The following AUTS2 variants were observed in gnomAD, a reference collection of about 807,000 sequenced individuals.
The protein encoded by AUTS2 is activator of transcription and developmental regulator AUTS2.
Under a neutral mutation model 112.4 loss-of-function variants are expected in AUTS2, and 17 were observed. The observed-to-expected ratio is 0.15, with a 90% CI of 0.10 to 0.23. AUTS2 has a LOEUF of 0.23. Among genes scored for constraint, AUTS2 ranks in the 10% least tolerant of loss-of-function variants. The pLI is 1.00. For synonymous variants in AUTS2, 751 were observed against 702.7 expected (o/e 1.07, Z -1.09); for missense variants, 1,510 against 1,701.6 (o/e 0.89, Z 1.98).
chr7:70,527,910 AT>A (rs1799910652), intron 5 of AUTS2, among the ~76,000 whole-genome samples: 1 of 152,246 alleles, frequency 6.6e-6, no homozygotes, highest in African/African-American at 2.4e-5. Context: ...TTGTGTGGGC[AT>A]TGGGGCCTGG....
intron 2 of AUTS2, among the ~76,000 whole-genome samples, chr7:70,110,287 G>A (rs1804999814): frequency 6.6e-6 from 1 of 152,204 alleles, no homozygotes; most frequent in Non-Finnish European, 1.5e-5. Flanking sequence ...AGGCCGATGT[G>A]GCTGGATAAT....
chr7:70,341,067 G>C (rs1471813084), intron 4 of AUTS2, among the ~76,000 whole-genome samples: 1 of 152,134 alleles, frequency 6.6e-6, no homozygotes, highest in East Asian at 1.9e-4. Context: ...TATGTATACT[G>C]TATAATGTTT....
At chr7:69,872,131 G>T (rs1793525783) in intron 1 of AUTS2, among the ~76,000 whole-genome samples, 1 of 152,196 alleles carries the variant, frequency 6.6e-6, no homozygotes, top group African/African-American at 2.4e-5. Context: ...GAGCCCTTCT[G>T]AGTGCAGGGC....
At chr7:70,272,386 A>G (rs1428263177) in intron 4 of AUTS2, among the ~76,000 whole-genome samples, 1 of 152,196 alleles carries the variant, frequency 6.6e-6, no homozygotes, top group Non-Finnish European at 1.5e-5. Context: ...AATAATGTGG[A>G]TGAAAGCAGG....
At chr7:69,622,554 G>C (rs547915515) in intron 1 of AUTS2, among the ~76,000 whole-genome samples, 2 of 152,266 alleles carry the variant, frequency 1.3e-5, no homozygotes, top group South Asian at 4.1e-4. Context: ...ATGTAATAAT[G>C]ATAATGAAAA....
intron 4 of AUTS2, among the ~76,000 whole-genome samples, chr7:70,376,200 A>C (rs1019436862): frequency 6.6e-6 from 1 of 152,178 alleles, no homozygotes; most frequent in Admixed American, 6.5e-5. Flanking sequence ...TGGAGTTTTA[A>C]AATGTTTCCG....
At chr7:70,298,348 A>G (rs1180722761) in intron 4 of AUTS2, among the ~76,000 whole-genome samples, 10 of 152,114 alleles carry the variant, frequency 6.6e-5, no homozygotes, top group African/African-American at 2.4e-4. Flanking sequence ...CTCTTTAAAA[A>G]ACAAATTTTA....
At chr7:69,678,211 T>A (rs942186306) in intron 1 of AUTS2, among the ~76,000 whole-genome samples, 6 of 151,924 alleles carry the variant, frequency 3.9e-5, no homozygotes, top group African/African-American at 1.5e-4. Context: ...ATGCAAGCAT[T>A]TCTTGGAGGA....
At chr7:70,112,002 C>T (rs1465833574) in intron 2 of AUTS2, among the ~76,000 whole-genome samples, 1 of 151,660 alleles carries the variant, frequency 6.6e-6, no homozygotes, top group Non-Finnish European at 1.5e-5. Flanking sequence ...AATTCTCTTC[C>T]TCTGATTTTA....
chr7:70,251,962 C>T (rs930065602), intron 4 of AUTS2, among the ~76,000 whole-genome samples: 3 of 151,636 alleles, frequency 2.0e-5, no homozygotes, highest in Non-Finnish European at 2.9e-5. Context: ...TTTTTCTGAC[C>T]ATTTAAAGAT....
chr7:69,826,132 G>C (rs1474291126), intron 1 of AUTS2, among the ~76,000 whole-genome samples: 1 of 152,208 alleles, frequency 6.6e-6, no homozygotes. Flanking sequence ...TATGAACACA[G>C]GGGAGAATGG....
At chr7:70,717,156 C>A (rs757722001) in intron 6 of AUTS2, among the ~76,000 whole-genome samples, 2 of 151,870 alleles carry the variant, frequency 1.3e-5, no homozygotes, top group African/African-American at 4.8e-5. Context: ...CCCAGCCTTG[C>A]GAGTAGCTAA....
intron 1 of AUTS2, among the ~76,000 whole-genome samples, chr7:69,895,118 A>G (rs1263210210): frequency 6.6e-6 from 1 of 152,208 alleles, no homozygotes; most frequent in African/African-American, 2.4e-5. Context: ...TGGTGGGTGT[A>G]TATTTACAAA....
chr7:70,262,700 G>GT (rs1342541572), intron 4 of AUTS2, among the ~76,000 whole-genome samples: 2 of 152,156 alleles, frequency 1.3e-5, no homozygotes, highest in Non-Finnish European at 2.9e-5. Flanking sequence ...GCCAAAAAAT[G>GT]TAAAAAATAG....
intron 4 of AUTS2, among the ~76,000 whole-genome samples, chr7:70,284,687 G>A (rs1006145718): frequency 6.6e-6 from 1 of 152,172 alleles, no homozygotes; most frequent in African/African-American, 2.4e-5. Context: ...CTTCACAGAA[G>A]CCTATGAGGT....
Position 70,619,167 on chromosome 7 carries a change from G to T in AUTS2, c.691-79402G>T, listed in dbSNP as rs548983520. The stretch of plus-strand genomic sequence containing the variant: ...TCCCCTTGCCGGACTTGGATCAGCA[G>T]GATTCACTCCTGTCAAACAAATTAG... On this transcript the variant is annotated intron_variant, in intron 5 of 18. Coordinates refer to ENST00000342771, the MANE Select transcript of AUTS2 (RefSeq NM_015570.4). Among the ~76,000 whole-genome samples, 4 of 152,228 alleles carry T rather than the reference G, an allele frequency of 2.6e-5. No homozygotes were observed. The South Asian group carries it at 8.3e-4, about 32-fold the overall frequency.
chr7:70,614,325 A>G (rs998302013), intron 5 of AUTS2, among the ~76,000 whole-genome samples: 2 of 152,214 alleles, frequency 1.3e-5, no homozygotes, highest in African/African-American at 4.8e-5. Context: ...AACATCATTT[A>G]TGCAACCACC....
chr7:70,037,095 C>G (rs1360201250), intron 2 of AUTS2, among the ~76,000 whole-genome samples: 4 of 151,926 alleles, frequency 2.6e-5, no homozygotes, highest in African/African-American at 9.7e-5. Context: ...TCTGCCACAA[C>G]GTGGGTGAGC....
chr7:70,123,020 C>T lies in AUTS2; in HGVS notation c.624+4787C>T, dbSNP rs374782395. Among the ~76,000 whole-genome samples the T allele has an allele frequency of 8.7e-3, 1,318 of 152,124 alleles. 12 individuals carry two copies. The highest frequency in any genetic ancestry group is 0.02 in the Middle Eastern group (6 of 294). Reference sequence around the variant, plus strand: ...CCTCCTGAGTAGCTGGGATTACAGGCGCTTGCCACCACGCCCAGCTAATTT... The same window carrying T: ...CCTCCTGAGTAGCTGGGATTACAGGTGCTTGCCACCACGCCCAGCTAATTT... On this transcript the variant is annotated intron_variant, in intron 3 of 18. Coordinates refer to ENST00000342771, the MANE Select transcript of AUTS2 (RefSeq NM_015570.4).
Sources: gnomAD v4.1 joint callset for allele counts (sites outside exome capture counted in the v4.1 genomes callset) on GRCh38, gnomAD v4.1.1 for gene constraint, MANE v1.5 for transcripts, NCBI Gene and HGNC (gene_info 2026-07-23, HGNC 2026-07-21) for gene names.